The following KCNQ1 variants were observed in gnomAD, a reference collection of about 807,000 sequenced individuals.
KCNQ1 encodes the protein potassium voltage-gated channel subfamily Q member 1.
Under a neutral mutation model 72.4 loss-of-function variants are expected in KCNQ1, and 49 were observed. The observed-to-expected ratio is 0.68, with a 90% CI of 0.54 to 0.86. The LOEUF is 0.86. Ranked by LOEUF, KCNQ1 falls within the 40% of genes least tolerant of loss-of-function variation. KCNQ1 has a pLI of 0.00. For synonymous variants in KCNQ1, 450 were observed against 412.6 expected (o/e 1.09, Z -1.10); for missense variants, 790 against 945.1 (o/e 0.84, Z 2.15).
rs1284136436 is a variant in KCNQ1, at chr11:2,453,148, C to T, written c.386+7664C>T. On this transcript the variant is annotated intron_variant, in intron 1 of 15. Coordinates refer to ENST00000155840, the MANE Select transcript of KCNQ1 (RefSeq NM_000218.3). Reference sequence around the variant, plus strand: ...CAGCACTTTGGGAGGCCAAGGCGGGCGGATCACCTTAGGTCGGGAGTTCGA... The same window carrying T: ...CAGCACTTTGGGAGGCCAAGGCGGGTGGATCACCTTAGGTCGGGAGTTCGA... Among the ~76,000 whole-genome samples the T allele has an allele frequency of 6.6e-5, 10 of 152,270 alleles. No homozygotes were observed. The East Asian group carries it at 9.7e-4, about 15-fold the overall frequency.
In KCNQ1 at chr11:2,565,668, A is replaced by T. The variant is rs1346846945; in HGVS notation, c.478-4960A>T. 6.6e-6 allele frequency among the ~76,000 whole-genome samples: 1 copy of T among 152,158 alleles called. No homozygotes were observed. Among genetic ancestry groups the T allele is most frequent in the Non-Finnish European group, 1.5e-5 (1 of 68,020 alleles). On this transcript the variant is annotated intron_variant, in intron 2 of 15. Coordinates refer to ENST00000155840, the MANE Select transcript of KCNQ1 (RefSeq NM_000218.3). The surrounding 1 kb of genome is among the most constrained non-coding windows in gnomAD (Gnocchi z 5.6). ...TTGTTTTGGGGGGCAGGGACCCAGA[A>T]ACTCATTGCTTTCAGGCCTTGCTAG...
At chr11:2,667,315 C>T (rs1850094834) in intron 11 of KCNQ1, 2 of 398,508 alleles carry the variant, frequency 5.0e-6, no homozygotes, top group Non-Finnish European at 8.8e-6. Context: ...AGGTGGATGG[C>T]CCAGAAGAAA....
At chr11:2,811,537 G>A (rs1847485427) in intron 15 of KCNQ1, among the ~76,000 whole-genome samples, 1 of 152,244 alleles carries the variant, frequency 6.6e-6, no homozygotes, top group South Asian at 2.1e-4. Flanking sequence ...GGTGAACACA[G>A]GGCCCTGCTT....
intron 7 of KCNQ1, among the ~76,000 whole-genome samples, chr11:2,584,796 T>G (rs192790153): frequency 1.3e-5 from 2 of 152,182 alleles, no homozygotes; most frequent in East Asian, 3.9e-4. Context: ...AGCTTCAGGG[T>G]GGGTCCTTTG....
rs1348801218 is a variant in KCNQ1, at chr11:2,698,910, C to A, written c.1514+36829C>A. 3 of 398,662 alleles carry A rather than the reference C, an allele frequency of 7.5e-6. No individual in the cohort carries two copies. Among genetic ancestry groups the A allele is most frequent in the Non-Finnish European group, 1.3e-5 (3 of 226,190 alleles). 24.7% of individuals were successfully genotyped at this position (398,662 alleles called of 1,614,324 possible). On this transcript the variant is annotated intron_variant, in intron 11 of 15. Transcript: ENST00000155840. The surrounding 1 kb of genome is among the most constrained non-coding windows in gnomAD (Gnocchi z 5.1). ...ATCCCAACTCAGGCAAACTCCCAGC[C>A]AGGATGTGGACCCTAGACCCGAATT...
In KCNQ1 at chr11:2,746,687, G is replaced by T. The variant is rs934707820; in HGVS notation, c.1515-22157G>T. Among the ~76,000 whole-genome samples the T allele has an allele frequency of 6.6e-6, 1 of 152,218 alleles. No homozygotes were observed. Among genetic ancestry groups the T allele is most frequent in the Non-Finnish European group, 1.5e-5 (1 of 68,040 alleles). On this transcript the variant is annotated intron_variant, in intron 11 of 15. Transcript: ENST00000155840. This position sits in a 1 kb window ranked among gnomAD's most constrained non-coding sequence, Gnocchi z 5.9. The stretch of plus-strand genomic sequence containing the variant: ...CCCTGTTCCGAGGGCCCATCCTGTC[G>T]GTGTGGCTCGTCATGGGCGATGCTG...
chr11:2,760,769 G>A (rs1477592347), intron 11 of KCNQ1, among the ~76,000 whole-genome samples: 1 of 152,240 alleles, frequency 6.6e-6, no homozygotes, highest in Admixed American at 6.5e-5. Context: ...AAATGGGAAA[G>A]GTTTCCTTGT....
intron 11 of KCNQ1, among the ~76,000 whole-genome samples, chr11:2,726,678 C>G (rs1024437991): frequency 6.6e-6 from 1 of 152,136 alleles, no homozygotes; most frequent in Non-Finnish European, 1.5e-5. Context: ...TATTTTCCCC[C>G]AAAATTTTAT....
rs1564787860 is a variant in KCNQ1 at position 2,462,757 on chromosome 11, C to T, written c.386+17273C>T. On this transcript the variant is annotated intron_variant, in intron 1 of 15. Transcript: ENST00000155840. This position sits in a 1 kb window ranked among gnomAD's most constrained non-coding sequence, Gnocchi z 8.2. The stretch of plus-strand genomic sequence containing the variant: ...GGGCGCTGCTGGCAAGAACCACAGG[C>T]AAAGAGGGTGCCGGGGGCAGGGAAG... Among the ~76,000 whole-genome samples the T allele has an allele frequency of 1.3e-5, 2 of 152,118 alleles. No individual in the cohort carries two copies. Among genetic ancestry groups the T allele is most frequent in the Non-Finnish European group, 2.9e-5 (2 of 68,020 alleles).
At position 2,703,673 on chromosome 11, in the gene KCNQ1, C is replaced by G. The variant is rs1850859090; in HGVS notation, c.1514+41592C>G. ...GGGGCCCAGAGCCCCGGCGGTGTCC[C>G]AGGGGAAACACCAGTCCTCTTCTGC... is the stretch of plus-strand genomic sequence containing the variant. On this transcript the variant is annotated intron_variant, in intron 11 of 15. Coordinates refer to ENST00000155840, the MANE Select transcript of KCNQ1 (RefSeq NM_000218.3). This position sits in a 1 kb window ranked among gnomAD's most constrained non-coding sequence, Gnocchi z 6.4. 6.6e-6 allele frequency among the ~76,000 whole-genome samples: 1 copy of G among 152,140 alleles called. No homozygotes were observed. The highest frequency in any genetic ancestry group is 2.1e-4 in the South Asian group (1 of 4,824).
intron 11 of KCNQ1, chr11:2,681,548 A>G (rs750555466): frequency 2.3e-5 from 9 of 398,278 alleles, no homozygotes; most frequent in Non-Finnish European, 3.5e-5. Flanking sequence ...GAAGGAACTT[A>G]CCCTTTTCTA....
At chr11:2,517,140 G>C (rs1040809441) in intron 1 of KCNQ1, among the ~76,000 whole-genome samples, 1 of 152,322 alleles carries the variant, frequency 6.6e-6, no homozygotes, top group East Asian at 1.9e-4. Flanking sequence ...GCCCTTGGTA[G>C]GTGCCAGGCG....
Position 2,734,393 on chromosome 11 carries a change from C to T in KCNQ1, c.1515-34451C>T, listed in dbSNP as rs1845917527. Reference sequence around the variant, plus strand: ...GGATGGGTTGAATGAGGAAGCTTCACAGCCCCCCGGCCACCGCAGGTCGGG... The same window carrying T: ...GGATGGGTTGAATGAGGAAGCTTCATAGCCCCCCGGCCACCGCAGGTCGGG... On this transcript the variant is annotated intron_variant, in intron 11 of 15. Coordinates refer to ENST00000155840, the MANE Select transcript of KCNQ1 (RefSeq NM_000218.3). The surrounding 1 kb of genome is among the most constrained non-coding windows in gnomAD (Gnocchi z 7.0). Among the ~76,000 whole-genome samples the T allele has an allele frequency of 1.3e-5, 2 of 152,352 alleles. No homozygotes were observed. Among genetic ancestry groups the T allele is most frequent in the South Asian group, 4.1e-4 (2 of 4,826 alleles).
intron 6 of KCNQ1, among the ~76,000 whole-genome samples, chr11:2,581,709 G>A (rs1007850428): frequency 2.6e-5 from 4 of 152,250 alleles, no homozygotes; most frequent in East Asian, 1.9e-4. Flanking sequence ...GTGCCGGGTC[G>A]TGTGTTTCCG....
chr11:2,821,071 C>T (rs866321319), intron 15 of KCNQ1, among the ~76,000 whole-genome samples: 5 of 152,250 alleles, frequency 3.3e-5, no homozygotes, highest in African/African-American at 1.2e-4. Flanking sequence ...CAGCACTCTT[C>T]GGAGGCCAGG....
chr11:2,676,347 C>T lies in KCNQ1; in HGVS notation c.1514+14266C>T. ...CAGTGTAGTTGAAGTGCTGTTTTCTCATGGTTGGGCTTCCAGTATAATTGG... is the reference window on the plus strand; with the variant it reads ...CAGTGTAGTTGAAGTGCTGTTTTCTTATGGTTGGGCTTCCAGTATAATTGG... On this transcript the variant is annotated intron_variant, in intron 11 of 15. Transcript: ENST00000155840. The surrounding 1 kb of genome is among the most constrained non-coding windows in gnomAD (Gnocchi z 4.2). 5.0e-6 allele frequency: 2 copies of T among 398,650 alleles called. No individual in the cohort carries two copies. The highest frequency in any genetic ancestry group is 2.1e-5 in the African/African-American group (1 of 48,754). The allele number at this position is 398,650 out of a possible 1,614,324, so 24.7% of individuals were successfully genotyped here.
intron 10 of KCNQ1, chr11:2,656,112 G>A (rs1054738342): frequency 3.3e-5 from 13 of 398,514 alleles, no homozygotes; most frequent in East Asian, 1.1e-4. Flanking sequence ...GCAACTCTAC[G>A]TTCTAGCCTG....
chr11:2,703,223 G>A lies in KCNQ1; in HGVS notation c.1514+41142G>A, dbSNP rs1850849192. ...GCTCCCTTTCTGAATTGTTCTGTGG[G>A]TTGTGGAAGGCTTTGAAATTTGGCG... On this transcript the variant is annotated intron_variant, in intron 11 of 15. Transcript: ENST00000155840. The surrounding 1 kb of genome is among the most constrained non-coding windows in gnomAD (Gnocchi z 6.4). Among the ~76,000 whole-genome samples the A allele has an allele frequency of 6.6e-6, 1 of 152,186 alleles. No individual in the cohort carries two copies. The highest frequency in any genetic ancestry group is 2.4e-5 in the African/African-American group (1 of 41,452).
rs561244037 is a variant in KCNQ1, at chr11:2,532,535, C to T, written c.477+4517C>T. Among the ~76,000 whole-genome samples, 17 of 152,270 alleles carry T rather than the reference C, an allele frequency of 1.1e-4. No homozygotes were observed. The South Asian group carries it at 3.1e-3, about 28-fold the overall frequency. The stretch of plus-strand genomic sequence containing the variant: ...GGGACACAGCAGAGAGTGAGGCAGC[C>T]GTGGGCCTGGCCTTGACAGGCGGAT... On this transcript the variant is annotated intron_variant, in intron 2 of 15. Coordinates refer to ENST00000155840, the MANE Select transcript of KCNQ1 (RefSeq NM_000218.3).
Sources: allele counts gnomAD v4.1 joint callset (sites outside exome capture counted in the v4.1 genomes callset), GRCh38; gene constraint gnomAD v4.1.1; non-coding constraint Gnocchi (gnomAD v3.1); transcripts MANE v1.5; gene names NCBI Gene and HGNC (gene_info 2026-07-23, HGNC 2026-07-21).